The following LAMA3 variants were observed in gnomAD, a reference collection of about 807,000 sequenced individuals.
LAMA3 encodes the protein laminin subunit alpha 3.
LAMA3 carries 281 observed loss-of-function variants against 402.0 expected under a neutral mutation model. The ratio of observed to expected loss-of-function variants is 0.70; its 90% CI spans 0.63 to 0.77. The LOEUF (loss-of-function observed/expected upper bound fraction) is 0.77. LAMA3 is among the 30% of genes least tolerant of loss of function. LAMA3 has a pLI of 0.00. For synonymous variants in LAMA3, 1,431 were observed against 1,558.4 expected, an observed-to-expected ratio of 0.92 and a Z score of 1.93; for missense variants, 3,840 against 4,215.5, an observed-to-expected ratio of 0.91 and a Z score of 2.47.
At chr18:23,807,173 A>G (rs1346773434) in intron 12 of LAMA3, among the ~76,000 whole-genome samples, 1 of 152,154 alleles carries the variant, frequency 6.6e-6, no homozygotes, top group African/African-American at 2.4e-5. Context: ...AATTCAGAGA[A>G]TTTATTCTTA....
intron 8 of LAMA3, among the ~76,000 whole-genome samples, chr18:23,764,299 A>G (rs2062032484): frequency 2.0e-5 from 3 of 152,178 alleles, no homozygotes. Context: ...GTAAAATATA[A>G]AATATAAAAT....
chr18:23,899,251 G>T, intron 46 of LAMA3, 37 bp from the exon 47 acceptor site: 1 of 1,585,132 alleles, frequency 6.3e-7, no homozygotes, highest in Non-Finnish European at 8.6e-7. Context: ...CTGGAGCCCA[G>T]AATTCCCAGT....
At chr18:23,814,278 C>G in intron 14 of LAMA3, 125 bp from the exon 15 acceptor site, 1 of 739,208 alleles carries the variant, frequency 1.4e-6, no homozygotes, top group Non-Finnish European at 2.5e-6. Context: ...TTTTTTCCCC[C>G]TGGATACACT....
Position 23,904,574 on chromosome 18 carries a change from G to C in LAMA3, c.6495G>C (p.Gly2165=), listed in dbSNP as rs753390430. The change falls in exon 51 of 75, where the codon GGG becomes GGC. Residue 2165 remains glycine, a synonymous_variant. Coordinates refer to ENST00000313654, the MANE Select transcript of LAMA3 (RefSeq NM_198129.4). ...QLEEIKRNAS[G]DELVRCAVDA... is the part of the protein sequence containing the mutation. The stretch of plus-strand genomic sequence containing the variant: ...CCAGGATCAAGAGAAACGCCAGCGG[G>C]GATGAGCTGGTGCGCTGTGCTGTGG... The C allele has an allele frequency of 1.2e-6, 2 of 1,604,182 alleles. No homozygotes were observed. The highest frequency in any genetic ancestry group is 2.2e-5 in the South Asian group (2 of 89,206).
At position 23,839,144 on chromosome 18, in the gene LAMA3, C is replaced by T. The variant is rs985232212; in HGVS notation, c.3191+266C>T. ...GAGGGCAGGAACGCTGAGTTCTATTCTGAGCCCTCGAAAAGACTCGTTTTG... is the reference window on the plus strand; with the variant it reads ...GAGGGCAGGAACGCTGAGTTCTATTTTGAGCCCTCGAAAAGACTCGTTTTG... On this transcript the variant is annotated intron_variant, in intron 26 of 74. Transcript: ENST00000313654. This position sits in a 1 kb window ranked among gnomAD's most constrained non-coding sequence, Gnocchi z 4.5. 6.6e-6 allele frequency among the ~76,000 whole-genome samples: 1 copy of T among 152,208 alleles called. No individual in the cohort carries two copies. The highest frequency in any genetic ancestry group is 1.5e-5 in the Non-Finnish European group (1 of 68,032).
chr18:23,792,948 C>T (rs982353019), intron 12 of LAMA3, among the ~76,000 whole-genome samples: 1 of 152,108 alleles, frequency 6.6e-6, no homozygotes, highest in Non-Finnish European at 1.5e-5. Context: ...GTAAGGACAG[C>T]AGACCGGGAG....
At chr18:23,756,454 AC>A (rs1165873746) in intron 6 of LAMA3, among the ~76,000 whole-genome samples, 2 of 13,616 alleles carry the variant, frequency 1.5e-4, no homozygotes, top group African/African-American at 2.6e-4. Flanking sequence ...CCCCGCCCCC[AC>A]CCCCCCGCCA....
At chr18:23,783,545 G>C (rs2062478332) in intron 11 of LAMA3, among the ~76,000 whole-genome samples, 3 of 152,182 alleles carry the variant, frequency 2.0e-5, no homozygotes, top group Non-Finnish European at 4.4e-5. Flanking sequence ...ACTAGAAGCA[G>C]CCTGGCTGTG....
chr18:23,932,753 AT>A (rs1044234031), intron 66 of LAMA3, among the ~76,000 whole-genome samples: 19 of 151,928 alleles, frequency 1.3e-4, no homozygotes, highest in East Asian at 1.9e-4. Flanking sequence ...GTGTTTACAT[AT>A]TTTTTTTGAT....
intron 1 of LAMA3, 94 bp downstream of exon 1, chr18:23,690,071 C>T: frequency 9.7e-7 from 1 of 1,027,162 alleles, no homozygotes; most frequent in Non-Finnish European, 1.3e-6. Flanking sequence ...TCCTCACGCG[C>T]GCTAGTGGCT....
chr18:23,900,984 A>C (rs746328259), intron 47 of LAMA3, 143 bp from the exon 48 acceptor site: 2 of 731,142 alleles, frequency 2.7e-6, no homozygotes, highest in Non-Finnish European at 4.9e-6. Context: ...GTCTGTGTCA[A>C]TGTGAGTTTC....
chr18:23,735,150 T>G (rs960202730), intron 2 of LAMA3, among the ~76,000 whole-genome samples: 1 of 152,220 alleles, frequency 6.6e-6, no homozygotes, highest in Non-Finnish European at 1.5e-5. Flanking sequence ...ATGTGCCCAC[T>G]GGCAATTGCA....
intron 10 of LAMA3, among the ~76,000 whole-genome samples, chr18:23,777,350 C>T (rs1044843688): frequency 3.3e-5 from 5 of 152,038 alleles, no homozygotes; most frequent in Non-Finnish European, 2.9e-5. Context: ...TTCTGTTCAT[C>T]GTTATACAAA....
In LAMA3 at chr18:23,954,896, G is replaced by C; in HGVS notation, c.*248G>C. The C allele has an allele frequency of 2.1e-6, 1 of 472,348 alleles. No individual in the cohort carries two copies. Among genetic ancestry groups the C allele is most frequent in the South Asian group, 2.7e-5 (1 of 36,410 alleles). The allele number at this position is 472,348 out of a possible 1,614,324, so 29.3% of individuals were successfully genotyped here. A position where few individuals can be genotyped will look rare whatever the true frequency, so the allele number is the denominator to read the frequency against. On this transcript the variant is annotated 3_prime_UTR_variant, in exon 75 of 75. Coordinates refer to ENST00000313654, the MANE Select transcript of LAMA3 (RefSeq NM_198129.4). ...TTATTCAAATTGTTATGCACAGAATGTTTTTGGTAATATTAATTTCCACTA... is the reference window on the plus strand; with the variant it reads ...TTATTCAAATTGTTATGCACAGAATCTTTTTGGTAATATTAATTTCCACTA...
At chr18:23,930,568 T>C (rs2145393000) in intron 64 of LAMA3, among the ~76,000 whole-genome samples, 1 of 152,188 alleles carries the variant, frequency 6.6e-6, no homozygotes, top group East Asian at 1.9e-4. Context: ...GGGAACATAG[T>C]GAGATCCTGT....
intron 2 of LAMA3, among the ~76,000 whole-genome samples, chr18:23,747,175 G>A (rs960148264): frequency 2.6e-5 from 4 of 152,096 alleles, no homozygotes; most frequent in African/African-American, 9.7e-5. Flanking sequence ...TGTCGTACCA[G>A]GCTCTTTGGG....
At chr18:23,729,298 T>C (rs948560475) in intron 2 of LAMA3, among the ~76,000 whole-genome samples, 2 of 152,132 alleles carry the variant, frequency 1.3e-5, no homozygotes, top group African/African-American at 4.8e-5. Flanking sequence ...GTATACTTCG[T>C]GTATGAATGA....
intron 58 of LAMA3, 78 bp from the exon 59 acceptor site, chr18:23,915,211 G>C (rs2081571044): frequency 6.7e-7 from 1 of 1,496,980 alleles, no homozygotes; most frequent in East Asian, 2.3e-5. Flanking sequence ...CATAGTGACT[G>C]TTAAAAGTGA....
intron 60 of LAMA3, among the ~76,000 whole-genome samples, chr18:23,920,179 T>G (rs1286655514): frequency 6.6e-6 from 1 of 152,116 alleles, no homozygotes; most frequent in Non-Finnish European, 1.5e-5. Context: ...AGGGAGCGCA[T>G]GCACCTGGTA....
Sources: allele counts gnomAD v4.1 joint callset (sites outside exome capture counted in the v4.1 genomes callset), GRCh38; gene constraint gnomAD v4.1.1; non-coding constraint Gnocchi (gnomAD v3.1); transcripts MANE v1.5; gene names NCBI Gene and HGNC (gene_info 2026-07-23, HGNC 2026-07-21).